Variants in SPATA6 observed in about 807,000 individuals in gnomAD.
SPATA6 encodes spermatogenesis associated 6.
A neutral mutation model predicts 65.3 loss-of-function variants in SPATA6; 56 were observed. The ratio of observed to expected loss-of-function variants is 0.86; its 90% CI spans 0.69 to 1.07. SPATA6 has a LOEUF of 1.07. Ranked by LOEUF, SPATA6 falls within the 50% of genes least tolerant of loss-of-function variation. The pLI is 0.00. For synonymous variants in SPATA6, 199 were observed against 213.2 expected, an observed-to-expected ratio of 0.93 and a Z score of 0.58; for missense variants, 590 against 594.8, an observed-to-expected ratio of 0.99 and a Z score of 0.08.
chr1:48,298,025 G>T lies in SPATA6; in HGVS notation c.*688C>A, dbSNP rs1644845526. 6.6e-6 allele frequency: 1 copy of T among 152,168 alleles called. No homozygotes were observed. The highest frequency in any genetic ancestry group is 2.1e-4 in the South Asian group (1 of 4,822). The allele number at this position is 152,168 out of a possible 1,614,324, so 9.4% of individuals were successfully genotyped here. On this transcript the variant is annotated 3_prime_UTR_variant, in exon 13 of 13. Coordinates refer to ENST00000371847, the MANE Select transcript of SPATA6 (RefSeq NM_019073.4). ...GGCCCTAGAAAAAAAATCATGCAAA[G>T]AATTTTATCTTTAAAAATTAGTTAT...
chr1:48,396,968 A>G (rs1650653388), intron 7 of SPATA6, among the ~76,000 whole-genome samples: 1 of 151,748 alleles, frequency 6.6e-6, no homozygotes, highest in South Asian at 2.1e-4. Flanking sequence ...TTTTTAAAAG[A>G]CAGCCCACAC....
At chr1:48,356,510 CTTTTTTT>C (rs910154922) in intron 10 of SPATA6, among the ~76,000 whole-genome samples, 10 of 122,732 alleles carry the variant, frequency 8.1e-5, no homozygotes, top group East Asian at 4.6e-4. Flanking sequence ...TTTGTCCTTT[CTTTTTTT>C]TTTTTTTTTT....
chr1:48,273,114 G>C, the SPATA6 span, among the ~76,000 whole-genome samples: 3 of 151,914 alleles, frequency 2.0e-5, no homozygotes. Context: ...TTTTGAGTTG[G>C]GTGTAGCCTC....
intron 1 of SPATA6, among the ~76,000 whole-genome samples, chr1:48,458,834 G>A (rs1276800483): frequency 6.6e-6 from 1 of 152,214 alleles, no homozygotes; most frequent in East Asian, 1.9e-4. Flanking sequence ...ATATGGTGAT[G>A]AAAATGTTCT....
chr1:48,427,577 C>T (rs1415519659), intron 3 of SPATA6, among the ~76,000 whole-genome samples: 10 of 151,820 alleles, frequency 6.6e-5, no homozygotes, highest in Non-Finnish European at 1.3e-4. Flanking sequence ...AATTTTATAA[C>T]CAATTAAAAA....
intron 11 of SPATA6, among the ~76,000 whole-genome samples, chr1:48,334,498 G>A (rs969312126): frequency 1.3e-5 from 2 of 152,074 alleles, no homozygotes; most frequent in South Asian, 4.1e-4. Flanking sequence ...ATCAATAAAT[G>A]TGACTCATCA....
chr1:48,403,766 T>G, intron 6 of SPATA6, 36 bp downstream of exon 6: 1 of 1,507,098 alleles, frequency 6.6e-7, no homozygotes, highest in Non-Finnish European at 9.0e-7. Flanking sequence ...ACCAAATAAA[T>G]TAAACCATTA....
At chr1:48,442,589 CAGAGAA>C (rs1290569582) in intron 3 of SPATA6, among the ~76,000 whole-genome samples, 3 of 146,242 alleles carry the variant, frequency 2.1e-5, no homozygotes, top group Non-Finnish European at 3.0e-5. Flanking sequence ...AAGAGGGAGT[CAGAGAA>C]AGAGAGAGAG....
chr1:48,309,312 A>G (rs886626537), intron 11 of SPATA6, among the ~76,000 whole-genome samples: 1 of 151,928 alleles, frequency 6.6e-6, no homozygotes, highest in African/African-American at 2.4e-5. Flanking sequence ...TGTTCCTCAC[A>G]CTGAATTATC....
chr1:48,334,712 G>A (rs929160323), intron 11 of SPATA6, among the ~76,000 whole-genome samples: 2 of 152,124 alleles, frequency 1.3e-5, no homozygotes, highest in African/African-American at 4.8e-5. Context: ...CATTCCACTT[G>A]AAAATCGGCA....
At chr1:48,317,241 C>T (rs559641235) in intron 11 of SPATA6, among the ~76,000 whole-genome samples, 77 of 152,172 alleles carry the variant, frequency 5.1e-4, no homozygotes, top group South Asian at 4.4e-3. Flanking sequence ...ATGTTTATCG[C>T]GGCATTATTC....
intron 6 of SPATA6, chr1:48,400,639 T>C (rs992239118): frequency 7.8e-6 from 3 of 382,564 alleles, no homozygotes; most frequent in Non-Finnish European, 1.3e-5. Context: ...GGTAACTAAG[T>C]GAATAAAATA....
At chr1:48,418,736 G>C (rs1472603015) in intron 3 of SPATA6, among the ~76,000 whole-genome samples, 1 of 142,300 alleles carries the variant, frequency 7.0e-6, no homozygotes, top group Non-Finnish European at 1.5e-5. Flanking sequence ...AAGAAAGCAA[G>C]AGAGGAAGGA....
chr1:48,467,039 A>C (rs774823606), intron 1 of SPATA6, among the ~76,000 whole-genome samples: 30 of 152,190 alleles, frequency 2.0e-4, no homozygotes, highest in Non-Finnish European at 3.5e-4. Context: ...AAAAGTTTTA[A>C]AGATTTAAAA....
At chr1:48,470,167 A>G (rs974721591) in intron 1 of SPATA6, among the ~76,000 whole-genome samples, 2 of 152,218 alleles carry the variant, frequency 1.3e-5, no homozygotes, top group Non-Finnish European at 2.9e-5. Context: ...ACTAATACTC[A>G]GGAGAAATGT....
the SPATA6 span, among the ~76,000 whole-genome samples, chr1:48,279,712 G>C: frequency 6.6e-6 from 1 of 152,142 alleles, no homozygotes; most frequent in Non-Finnish European, 1.5e-5. Flanking sequence ...AAGAGACTTA[G>C]ACTCCCACAC....
At chr1:48,423,605 T>C in intron 3 of SPATA6, among the ~76,000 whole-genome samples, 1 of 134,288 alleles carries the variant, frequency 7.4e-6, no homozygotes, top group African/African-American at 2.9e-5. Context: ...TGGAGAGCAA[T>C]GGCACAATCT....
chr1:48,434,526 G>T (rs1654707534), intron 3 of SPATA6, among the ~76,000 whole-genome samples: 1 of 152,122 alleles, frequency 6.6e-6, no homozygotes, highest in African/African-American at 2.4e-5. Flanking sequence ...GACCAAAGAG[G>T]GGTGCTGTTT....
intron 8 of SPATA6, among the ~76,000 whole-genome samples, chr1:48,385,695 T>A (rs1649391651): frequency 6.6e-6 from 1 of 152,178 alleles, no homozygotes; most frequent in South Asian, 2.1e-4. Flanking sequence ...TATTCACAGA[T>A]TTGACAGATA....
Sources: gnomAD v4.1 joint callset for allele counts (sites outside exome capture counted in the v4.1 genomes callset) on GRCh38, gnomAD v4.1.1 for gene constraint, MANE v1.5 for transcripts, NCBI Gene and HGNC (gene_info 2026-07-23, HGNC 2026-07-21) for gene names.